The following LRRC1 variants were observed in gnomAD, a reference collection of about 807,000 sequenced individuals.
LRRC1 encodes leucine rich repeat containing 1.
In LRRC1, 28 loss-of-function variants were observed where a neutral mutation model predicts 69.9. The ratio of observed to expected loss-of-function variants is 0.40; its 90% CI spans 0.30 to 0.55. The LOEUF (loss-of-function observed/expected upper bound fraction) is 0.55. Ranked by LOEUF, LRRC1 falls within the 20% of genes least tolerant of loss-of-function variation. LRRC1 has a pLI of 0.47. For synonymous variants in LRRC1, 236 were observed against 240.2 expected, an observed-to-expected ratio of 0.98 and a Z score of 0.16; for missense variants, 498 against 609.0, an observed-to-expected ratio of 0.82 and a Z score of 1.92.
At chr6:53,904,226 A>C (rs1459856255) in intron 9 of LRRC1, among the ~76,000 whole-genome samples, 153 bp from the exon 10 acceptor site, 1 of 152,228 alleles carries the variant, frequency 6.6e-6, no homozygotes, top group Non-Finnish European at 1.5e-5. Context: ...CGCACCCCCT[A>C]AGGGAACATT....
chr6:53,873,340 A>G (rs1766959621), intron 2 of LRRC1, among the ~76,000 whole-genome samples: 1 of 145,288 alleles, frequency 6.9e-6, no homozygotes, highest in Non-Finnish European at 1.5e-5. Context: ...TGCCCAGGCT[A>G]CTGTGCAGTG....
In LRRC1 at chr6:53,920,721, G is replaced by A. The variant is rs1201238707; in HGVS notation, c.1376G>A (p.Arg459Gln). Residue 459 changes from arginine to glutamine, a missense_variant, in exon 13 of 14, where the codon CGA becomes CAA. Physicochemically the swap from Arg to Gln is conservative, Grantham distance 43. Coordinates refer to ENST00000370888, the MANE Select transcript of LRRC1 (RefSeq NM_018214.5). ...ERAVNRVSAI[R>Q]FVEDEKDEED... ...GCTGTCAACAGAGTCAGTGCGATCC[G>A]ATTTGTGGAGGATGAGAAAGATGAA... The A allele has an allele frequency of 3.7e-6, 6 of 1,614,166 alleles. No homozygotes were observed. Among genetic ancestry groups the A allele is most frequent in the Middle Eastern group, 1.6e-4 (1 of 6,062 alleles).
chr6:53,884,115 ATGGTATCAG>A lies in LRRC1; in HGVS notation c.446+1141_446+1149del, dbSNP rs1562059286. On this transcript the variant is annotated intron_variant, in intron 4 of 13. Coordinates refer to ENST00000370888, the MANE Select transcript of LRRC1 (RefSeq NM_018214.5). ...GAAGCCCTCAATACACTCTAGGTGT[ATGGTATCAG>A]TTGCAGAGAAAACAGTGGTATTTTA... 3 of 654,618 alleles carry A rather than the reference ATGGTATCAG, an allele frequency of 4.6e-6. No homozygotes were observed. In the East Asian group the frequency reaches 8.2e-5, roughly 18 times the overall value. 40.6% of individuals were successfully genotyped at this position (654,618 alleles called of 1,614,324 possible). A position where few individuals can be genotyped will look rare whatever the true frequency, so the allele number is the denominator to read the frequency against.
At chr6:53,914,341 C>A (rs1480227553) in intron 11 of LRRC1, among the ~76,000 whole-genome samples, 1 of 152,132 alleles carries the variant, frequency 6.6e-6, no homozygotes, top group Non-Finnish European at 1.5e-5. Context: ...AGTTTCCTCA[C>A]CTGCAAAGTG....
chr6:53,812,760 A>G (rs1368980651), intron 1 of LRRC1, among the ~76,000 whole-genome samples: 1 of 151,880 alleles, frequency 6.6e-6, no homozygotes, highest in Non-Finnish European at 1.5e-5. Flanking sequence ...TAAAAGATCA[A>G]ACCTGTTGGC....
rs555743486 is a variant in LRRC1 at position 53,854,573 on chromosome 6, TACAGGTG to T, written c.277+12350_277+12356del. Among the ~76,000 whole-genome samples, 22 of 152,298 alleles carry T rather than the reference TACAGGTG, an allele frequency of 1.4e-4. No homozygotes were observed. The South Asian group carries it at 4.4e-3, about 30-fold the overall frequency. The stretch of plus-strand genomic sequence containing the variant: ...AGAAATAAGCTTGCCATCTCCTTTT[TACAGGTG>T]ACAAAACTGAGTCTCAGGTTAGAAA... On this transcript the variant is annotated intron_variant, in intron 2 of 13. Coordinates refer to ENST00000370888, the MANE Select transcript of LRRC1 (RefSeq NM_018214.5).
intron 1 of LRRC1, among the ~76,000 whole-genome samples, chr6:53,838,358 A>C (rs1765671766): frequency 6.6e-6 from 1 of 152,210 alleles, no homozygotes; most frequent in East Asian, 1.9e-4. Context: ...ATGCAGAACC[A>C]AACCTTAAAT....
At chr6:53,880,443 C>T (rs1217005215) in intron 3 of LRRC1, among the ~76,000 whole-genome samples, 4 of 152,118 alleles carry the variant, frequency 2.6e-5, no homozygotes, top group Non-Finnish European at 4.4e-5. Flanking sequence ...GCTATGTGAG[C>T]CTCTTCTTGC....
At chr6:53,839,388 T>A (rs552269587) in intron 1 of LRRC1, among the ~76,000 whole-genome samples, 1 of 152,168 alleles carries the variant, frequency 6.6e-6, no homozygotes, top group Non-Finnish European at 1.5e-5. Flanking sequence ...ATTTGGAGCA[T>A]CCTGTAATCT....
chr6:53,921,788 TG>T (rs1391820775), intron 13 of LRRC1, among the ~76,000 whole-genome samples: 1 of 152,178 alleles, frequency 6.6e-6, no homozygotes, highest in African/African-American at 2.4e-5. Flanking sequence ...TGTCACCAAA[TG>T]GGATTTTAGG....
intron 10 of LRRC1, among the ~76,000 whole-genome samples, chr6:53,912,232 T>C (rs776032465): frequency 6.6e-6 from 1 of 152,182 alleles, no homozygotes; most frequent in Non-Finnish European, 1.5e-5. Context: ...GGGTTCTTCA[T>C]GTGGTATTTT....
chr6:53,903,933 A>G (rs957038657), intron 9 of LRRC1, among the ~76,000 whole-genome samples: 1 of 152,202 alleles, frequency 6.6e-6, no homozygotes, highest in Non-Finnish European at 1.5e-5. Context: ...TCCCATCCCC[A>G]TAGCCCTTGC....
chr6:53,814,524 A>G (rs1226940212), intron 1 of LRRC1, among the ~76,000 whole-genome samples: 3 of 152,204 alleles, frequency 2.0e-5, no homozygotes, highest in East Asian at 1.9e-4. Flanking sequence ...AGAAGTGACT[A>G]TGAAGTACTG....
chr6:53,920,214 G>A (rs1034843886), intron 12 of LRRC1, among the ~76,000 whole-genome samples: 32 of 152,314 alleles, frequency 2.1e-4, no homozygotes, highest in Admixed American at 2.0e-3. Context: ...GAAAAACGTG[G>A]TGGAGTGTGT....
At chr6:53,875,378 T>C (rs1008022725) in intron 2 of LRRC1, among the ~76,000 whole-genome samples, 1 of 152,100 alleles carries the variant, frequency 6.6e-6, no homozygotes, top group Admixed American at 6.5e-5. Context: ...TGTAAAGTAA[T>C]GTAAGGTGCA....
chr6:53,830,944 A>ATGGTT (rs199784563), intron 1 of LRRC1, among the ~76,000 whole-genome samples: 5 of 146,222 alleles, frequency 3.4e-5, no homozygotes, highest in Admixed American at 3.4e-4. Context: ...TAGTTATTAT[A>ATGGTT]ATTTTATATA....
chr6:53,910,069 A>T (rs556579814), intron 10 of LRRC1, among the ~76,000 whole-genome samples: 1 of 152,316 alleles, frequency 6.6e-6, no homozygotes, highest in Admixed American at 6.5e-5. Flanking sequence ...GGTTTGCTCA[A>T]TAATCTGCAG....
chr6:53,828,033 GCTTA>G (rs1160149913), intron 1 of LRRC1, among the ~76,000 whole-genome samples: 1 of 152,050 alleles, frequency 6.6e-6, no homozygotes, highest in Admixed American at 6.6e-5. Flanking sequence ...ACTTTTATAG[GCTTA>G]CTTAAAGACT....
intron 4 of LRRC1, chr6:53,884,251 T>G: frequency 2.2e-6 from 1 of 446,306 alleles, no homozygotes; most frequent in Non-Finnish European, 4.0e-6. Context: ...ACACCTGTAA[T>G]GCCAGCCTTT....
Sources: gnomAD v4.1 joint callset for allele counts (sites outside exome capture counted in the v4.1 genomes callset) on GRCh38, gnomAD v4.1.1 for gene constraint, MANE v1.5 for transcripts, NCBI Gene and HGNC (gene_info 2026-07-23, HGNC 2026-07-21) for gene names.